Variants in HECTD2 observed in about 807,000 individuals in gnomAD.
HECTD2 encodes the protein HECT domain E3 ubiquitin protein ligase 2, also known as probable E3 ubiquitin-protein ligase HECTD2.
HECTD2 carries 35 observed loss-of-function variants against 103.2 expected under a neutral mutation model. That is an observed-to-expected ratio of 0.34 (90% CI 0.26 to 0.45). HECTD2 has a LOEUF of 0.45. Among genes scored for constraint, HECTD2 ranks in the 20% least tolerant of loss-of-function variants. HECTD2 has a pLI of 1.00. For synonymous variants in HECTD2, 281 were observed against 329.9 expected (o/e 0.85, Z 1.61); for missense variants, 596 against 937.4 (o/e 0.64, Z 4.76).
chr10:91,455,807 C>T (rs1294114257), intron 2 of HECTD2, among the ~76,000 whole-genome samples: 1 of 152,104 alleles, frequency 6.6e-6, no homozygotes, highest in Non-Finnish European at 1.5e-5. Flanking sequence ...CCAGTTTTCC[C>T]AGCACCATTT....
At chr10:91,458,354 A>G (rs1047163414) in intron 2 of HECTD2, among the ~76,000 whole-genome samples, 4 of 152,012 alleles carry the variant, frequency 2.6e-5, no homozygotes, top group Admixed American at 1.3e-4. Flanking sequence ...AATTCTCCCC[A>G]AATTGATACA....
chr10:91,500,389 TGA>T, intron 18 of HECTD2, 111 bp from the exon 19 acceptor site: 10 of 505,266 alleles, frequency 2.0e-5, no homozygotes, highest in Admixed American at 3.4e-5. Context: ...AAAAATGGTT[TGA>T]TTTACTATGA....
intron 1 of HECTD2, among the ~76,000 whole-genome samples, chr10:91,416,493 C>G (rs1481182494): frequency 6.6e-6 from 1 of 152,124 alleles, no homozygotes; most frequent in East Asian, 1.9e-4. Flanking sequence ...GTAACATGCT[C>G]TATAGGTGTG....
chr10:91,423,454 C>T (rs1806070430), intron 1 of HECTD2, among the ~76,000 whole-genome samples: 1 of 151,994 alleles, frequency 6.6e-6, no homozygotes, highest in South Asian at 2.1e-4. Flanking sequence ...GAAATCTGGC[C>T]AAGAATCAAG....
intron 1 of HECTD2, among the ~76,000 whole-genome samples, chr10:91,412,955 A>G (rs1260944663): frequency 6.6e-6 from 1 of 152,064 alleles, no homozygotes; most frequent in Non-Finnish European, 1.5e-5. Flanking sequence ...CCTGTAGATT[A>G]AATAGAGCTC....
chr10:91,453,202 C>A (rs1224532973), intron 2 of HECTD2, among the ~76,000 whole-genome samples: 1 of 152,152 alleles, frequency 6.6e-6, no homozygotes, highest in Non-Finnish European at 1.5e-5. Flanking sequence ...GAGGCCAAGA[C>A]AGGAGGATGG....
upstream of HECTD2, among the ~76,000 whole-genome samples, chr10:91,410,035 G>T (rs1842846194): frequency 6.6e-6 from 1 of 152,156 alleles, no homozygotes; most frequent in Non-Finnish European, 1.5e-5. Flanking sequence ...CTCCTGCGCG[G>T]CCCGGGTGCG....
intron 2 of HECTD2, among the ~76,000 whole-genome samples, chr10:91,458,862 A>C (rs1298726675): frequency 6.6e-6 from 1 of 152,050 alleles, no homozygotes; most frequent in Non-Finnish European, 1.5e-5. Flanking sequence ...AATCCATAAG[A>C]GAAAAATTTA....
intron 2 of HECTD2, among the ~76,000 whole-genome samples, chr10:91,429,125 A>G (rs1046907272): frequency 1.1e-4 from 16 of 151,778 alleles, no homozygotes; most frequent in East Asian, 9.7e-4. Context: ...TTCTGCATCT[A>G]TTGAGAAAAT....
At chr10:91,507,422 C>T (rs913048372) in intron 20 of HECTD2, among the ~76,000 whole-genome samples, 1 of 152,078 alleles carries the variant, frequency 6.6e-6, no homozygotes, top group African/African-American at 2.4e-5. Flanking sequence ...GCAACTTCAG[C>T]AAAGTCTCAG....
At chr10:91,494,805 T>C (rs967461499) in intron 14 of HECTD2, among the ~76,000 whole-genome samples, 1 of 152,066 alleles carries the variant, frequency 6.6e-6, no homozygotes, top group Admixed American at 6.6e-5. Context: ...CTATGAGCTA[T>C]TTATATGTTC....
intron 1 of HECTD2, among the ~76,000 whole-genome samples, chr10:91,411,657 A>G (rs575571220): frequency 3.3e-5 from 5 of 152,230 alleles, no homozygotes; most frequent in Admixed American, 6.5e-5. Flanking sequence ...GGGCCCTGAT[A>G]ACTGGAAATT....
intron 5 of HECTD2, chr10:91,463,161 G>C (rs1393329156): frequency 6.6e-6 from 1 of 151,672 alleles, no homozygotes; most frequent in Non-Finnish European, 1.5e-5. Context: ...ATAACCTATT[G>C]TTGACCAGAA....
intron 6 of HECTD2, among the ~76,000 whole-genome samples, chr10:91,479,973 A>G (rs1337819117): frequency 6.6e-6 from 1 of 151,906 alleles, no homozygotes; most frequent in Middle Eastern, 3.2e-3. Flanking sequence ...TTTATTGCAG[A>G]TTTGCCTGAT....
chr10:91,421,727 C>T (rs1404043146), intron 1 of HECTD2, among the ~76,000 whole-genome samples: 1 of 152,176 alleles, frequency 6.6e-6, no homozygotes, highest in Admixed American at 6.5e-5. Context: ...TTAGTAGTTA[C>T]TCACAAATCA....
At chr10:91,437,983 A>T (rs1844207899) in intron 2 of HECTD2, among the ~76,000 whole-genome samples, 1 of 152,070 alleles carries the variant, frequency 6.6e-6, no homozygotes, top group African/African-American at 2.4e-5. Flanking sequence ...GAGCATAATT[A>T]TATTAAGCAG....
chr10:91,500,542 G>A lies in HECTD2; in HGVS notation c.1991G>A (p.Ser664Asn). ...GAGGTTGAAATTTTGGTCTGTGGAA[G>A]TCCTGACCTGGATATGCATGCTCTG... ...PEEVEILVCG[S>N]PDLDMHALQR... The change falls in exon 19 of 21, where the codon AGT (serine) becomes AAT (asparagine). Residue 664 changes from serine to asparagine, a missense_variant. Transcript: ENST00000298068. 2.5e-6 allele frequency: 4 copies of A among 1,611,878 alleles called. No individual in the cohort carries two copies. The highest frequency in any genetic ancestry group is 3.4e-6 in the Non-Finnish European group (4 of 1,177,980).
intron 6 of HECTD2, among the ~76,000 whole-genome samples, chr10:91,480,173 T>TA (rs1395258520): frequency 6.6e-6 from 1 of 152,024 alleles, no homozygotes; most frequent in Non-Finnish European, 1.5e-5. Flanking sequence ...AATATTATAG[T>TA]AAAAATATCA....
chr10:91,487,676 GAGC>G lies in HECTD2; in HGVS notation c.1095-3_1095-1del. ...TTGCTTTTTCTTTTTTTCACTTGTT[GAGC>G]AGGTTTTCCTTCTGTCAGTACCCAT... On this transcript the variant is annotated splice_region_variant and splice_polypyrimidine_tract_variant and intron_variant, in intron 10 of 20. Coordinates refer to ENST00000298068, the MANE Select transcript of HECTD2 (RefSeq NM_182765.6). The surrounding 1 kb of genome is among the most constrained non-coding windows in gnomAD (Gnocchi z 4.1). 1 of 1,594,108 alleles carries G rather than the reference GAGC, an allele frequency of 6.3e-7. No homozygotes were observed. The highest frequency in any genetic ancestry group is 8.6e-7 in the Non-Finnish European group (1 of 1,162,540).
Sources: gnomAD v4.1 joint callset for allele counts (sites outside exome capture counted in the v4.1 genomes callset) on GRCh38, gnomAD v4.1.1 for gene constraint, Gnocchi (gnomAD v3.1) non-coding constraint, MANE v1.5 for transcripts, NCBI Gene and HGNC (gene_info 2026-07-23, HGNC 2026-07-21) for gene names.